Variants in TRPM3 observed in about 807,000 individuals in gnomAD.
TRPM3 encodes the protein transient receptor potential cation channel subfamily M member 3, also known as long transient receptor potential channel 3.
TRPM3 carries 77 observed loss-of-function variants against 181.2 expected under a neutral mutation model. That is an observed-to-expected ratio of 0.42 (90% CI 0.35 to 0.51). The LOEUF (loss-of-function observed/expected upper bound fraction) is 0.51, where lower values mean the gene tolerates loss of function less well. Ranked by LOEUF, TRPM3 falls within the 20% of genes least tolerant of loss-of-function variation. The pLI, the probability that TRPM3 is intolerant of heterozygous loss-of-function variation, is 0.01. For synonymous variants in TRPM3, 745 were observed against 796.4 expected (o/e 0.94, Z 1.09); for missense variants, 1,759 against 2,196.7 (o/e 0.80, Z 3.98).
At chr9:70,597,029 G>T (rs1233906771) in intron 21 of TRPM3, among the ~76,000 whole-genome samples, 1 of 152,114 alleles carries the variant, frequency 6.6e-6, no homozygotes. Context: ...TGCCTCCTGG[G>T]TTCAAGTGAT....
intron 1 of TRPM3, among the ~76,000 whole-genome samples, chr9:71,307,270 T>C (rs1299578678): frequency 6.6e-6 from 1 of 151,044 alleles, no homozygotes; most frequent in Non-Finnish European, 1.5e-5. Flanking sequence ...CCTTTTTCTA[T>C]GTTCTTTGTT....
At chr9:70,647,948 A>G (rs2133734615) in intron 9 of TRPM3, among the ~76,000 whole-genome samples, 1 of 152,354 alleles carries the variant, frequency 6.6e-6, no homozygotes, top group South Asian at 2.1e-4. Flanking sequence ...CACAATAGCT[A>G]TAAAAAGAAT....
At chr9:71,079,184 T>C (rs977730901) in intron 1 of TRPM3, among the ~76,000 whole-genome samples, 1 of 152,302 alleles carries the variant, frequency 6.6e-6, no homozygotes. Context: ...TTTGACTATA[T>C]CTATCAGAGT....
At chr9:70,785,748 T>G (rs1588312501) in intron 6 of TRPM3, among the ~76,000 whole-genome samples, 1 of 152,328 alleles carries the variant, frequency 6.6e-6, no homozygotes, top group Admixed American at 6.5e-5. Context: ...CTCCTAGGGC[T>G]TTATCTCCTT....
intron 1 of TRPM3, among the ~76,000 whole-genome samples, chr9:71,294,682 A>G (rs908482472): frequency 6.6e-6 from 1 of 152,154 alleles, no homozygotes; most frequent in Non-Finnish European, 1.5e-5. Context: ...AGACATGAGA[A>G]AATGTCCACA....
intron 6 of TRPM3, among the ~76,000 whole-genome samples, chr9:70,800,747 G>A (rs1002232103): frequency 2.0e-5 from 3 of 152,090 alleles, no homozygotes; most frequent in East Asian, 1.9e-4. Context: ...TACAAAATAT[G>A]TGTTAATTGG....
At chr9:70,820,283 G>A (rs554233316) in intron 6 of TRPM3, among the ~76,000 whole-genome samples, 1 of 152,280 alleles carries the variant, frequency 6.6e-6, no homozygotes, top group South Asian at 2.1e-4. Context: ...CTAATTTTAA[G>A]CCTCCACTTT....
intron 8 of TRPM3, among the ~76,000 whole-genome samples, chr9:70,683,321 A>G (rs2065920500): frequency 6.6e-6 from 1 of 151,718 alleles, no homozygotes; most frequent in African/African-American, 2.4e-5. Flanking sequence ...CTGGGTTCAA[A>G]CAATCCTTCC....
intron 1 of TRPM3, among the ~76,000 whole-genome samples, chr9:71,390,804 T>C (rs1483238283): frequency 6.6e-6 from 1 of 152,032 alleles, no homozygotes; most frequent in Non-Finnish European, 1.5e-5. Flanking sequence ...GGTGCAGATA[T>C]TAAACACTGA....
chr9:70,899,499 CGTT>C (rs2096350039), intron 1 of TRPM3, among the ~76,000 whole-genome samples: 2 of 152,160 alleles, frequency 1.3e-5, no homozygotes, highest in African/African-American at 4.8e-5. Context: ...AGTCTCCAAA[CGTT>C]GTGTCATAAC....
intron 1 of TRPM3, among the ~76,000 whole-genome samples, chr9:71,046,625 C>G (rs1188097562): frequency 6.6e-6 from 1 of 152,184 alleles, no homozygotes; most frequent in African/African-American, 2.4e-5. Flanking sequence ...ACCCACCCTC[C>G]TTCCCTATTG....
At chr9:70,638,988 C>T in intron 11 of TRPM3, 72 bp downstream of exon 11, 8 of 1,524,180 alleles carry the variant, frequency 5.2e-6, no homozygotes, top group Non-Finnish European at 7.1e-6. Flanking sequence ...GAATCACAGG[C>T]ATATGGGGGG....
At chr9:71,106,484 C>T (rs2069608530) in intron 1 of TRPM3, among the ~76,000 whole-genome samples, 1 of 152,108 alleles carries the variant, frequency 6.6e-6, no homozygotes, top group Non-Finnish European at 1.5e-5. Context: ...GACAGGCCTG[C>T]TTCCCCTTCA....
chr9:71,172,998 A>C (rs1349883411), intron 1 of TRPM3, among the ~76,000 whole-genome samples: 2 of 152,320 alleles, frequency 1.3e-5, no homozygotes, highest in South Asian at 2.1e-4. Context: ...AGCCACATAG[A>C]TCTGGAAAGG....
chr9:70,616,055 A>T lies in TRPM3; in HGVS notation c.2379T>A (p.Leu793=). Reference sequence around the variant, plus strand: ...ACTCCAAGCTGAGAATTGAAGGAGGAAGTAGAATTCCCAGAATTACCTAAA... The same window carrying T: ...ACTCCAAGCTGAGAATTGAAGGAGGTAGTAGAATTCCCAGAATTACCTAAA... The part of the protein sequence containing the change: ...SGLKVILGIL[L]PPSILSLEFK... The change falls in exon 18 of 26, where the codon CTT becomes CTA. Residue 793 remains leucine (L), a synonymous_variant. Transcript: ENST00000677713. 6.2e-7 allele frequency: 1 copy of T among 1,605,044 alleles called. No individual in the cohort carries two copies. The highest frequency in any genetic ancestry group is 8.5e-7 in the Non-Finnish European group (1 of 1,177,018).
chr9:70,793,469 A>AATAT (rs59366619), intron 6 of TRPM3: 24 of 123,238 alleles, frequency 1.9e-4, no homozygotes, highest in African/African-American at 5.1e-4. Context: ...AAAAAAAAAA[A>AATAT]ATATATATAT....
intron 9 of TRPM3, among the ~76,000 whole-genome samples, chr9:70,645,709 G>T (rs112789493): frequency 0.19 from 28,863 of 151,074 alleles, 3,500 homozygotes; most frequent in South Asian, 0.3. Flanking sequence ...ATTGATAAAT[G>T]GGATGTAATT....
intron 1 of TRPM3, among the ~76,000 whole-genome samples, chr9:71,099,293 G>T (rs2067876862): frequency 6.6e-6 from 1 of 151,966 alleles, no homozygotes; most frequent in Admixed American, 6.6e-5. Context: ...ATTCAGGAGG[G>T]CTCTTTCTTT....
intron 1 of TRPM3, among the ~76,000 whole-genome samples, chr9:71,011,374 T>G (rs1248478776): frequency 6.6e-6 from 1 of 152,192 alleles, no homozygotes; most frequent in Non-Finnish European, 1.5e-5. Context: ...CATTACATTA[T>G]ACATGCATTG....
Sources: gnomAD v4.1 joint callset for allele counts (sites outside exome capture counted in the v4.1 genomes callset) on GRCh38, gnomAD v4.1.1 for gene constraint, MANE v1.5 for transcripts, NCBI Gene and HGNC (gene_info 2026-07-23, HGNC 2026-07-21) for gene names.